AP4E1: variants seen among roughly 807,000 people sequenced by gnomAD.
The protein encoded by AP4E1 is adaptor related protein complex 4 subunit epsilon 1.
AP4E1 carries 56 observed loss-of-function variants against 128.2 expected under a neutral mutation model. The observed-to-expected ratio is 0.44, with a 90% CI of 0.35 to 0.55. The LOEUF is 0.55. AP4E1 is among the 20% of genes least tolerant of loss of function. AP4E1 has a pLI of 0.00. For missense variants in AP4E1, 1,324 were observed against 1,307.7 expected (o/e 1.01, Z -0.19); for synonymous variants, 484 against 473.1 (o/e 1.02, Z -0.30).
Position 50,999,153 on chromosome 15 carries a change from A to G in AP4E1, c.2986A>G (p.Lys996Glu). The G allele has an allele frequency of 6.2e-7, 1 of 1,614,048 alleles. No homozygotes were observed. Among genetic ancestry groups the G allele is most frequent in the Non-Finnish European group, 8.5e-7 (1 of 1,179,974 alleles). The stretch of plus-strand genomic sequence containing the variant: ...CTTTCAATATAGTGTGCAGATAGAA[A>G]AACCTTTTACAGAAGGAAATCTTAC... ...KSFQYSVQIE[K>E]PFTEGNLTGF... Residue 996 changes from lysine to glutamate, a missense_variant, in exon 19 of 21, where the codon AAA (lysine) becomes GAA (glutamate). By Grantham distance (56) the Lys-to-Glu change is moderately conservative. Coordinates refer to ENST00000261842, the MANE Select transcript of AP4E1 (RefSeq NM_007347.5).
At chr15:50,958,209 T>C (rs1460666837) in intron 13 of AP4E1, among the ~76,000 whole-genome samples, 4 of 152,208 alleles carry the variant, frequency 2.6e-5, no homozygotes, top group Admixed American at 6.5e-5. Context: ...CAGGATGTGA[T>C]AGTGCTTATA....
intron 16 of AP4E1, 73 bp downstream of exon 16, chr15:50,984,218 G>T (rs2140914961): frequency 6.5e-7 from 1 of 1,543,404 alleles, no homozygotes; most frequent in East Asian, 2.3e-5. Context: ...TTTGCCTTCT[G>T]CTCCTGCCTC....
chr15:50,934,809 A>T (rs2063885813), intron 8 of AP4E1, 112 bp downstream of exon 8: 1 of 691,454 alleles, frequency 1.4e-6, no homozygotes, highest in Non-Finnish European at 2.5e-6. Context: ...CACTGATTTT[A>T]AGATAGTTCT....
At chr15:50,953,102 G>A (rs1315049258) in intron 13 of AP4E1, among the ~76,000 whole-genome samples, 1 of 152,088 alleles carries the variant, frequency 6.6e-6, no homozygotes, top group Non-Finnish European at 1.5e-5. Flanking sequence ...GCATTATAAA[G>A]GTATCTTTCC....
chr15:50,975,317 A>G (rs2064536991), intron 15 of AP4E1, among the ~76,000 whole-genome samples: 1 of 152,214 alleles, frequency 6.6e-6, no homozygotes, highest in Non-Finnish European at 1.5e-5. Flanking sequence ...AGGCAGGAGA[A>G]TCACTTGAAC....
rs2065011876 is a variant in AP4E1 at position 51,005,872 on chromosome 15, G to A, written c.*3210G>A. On this transcript the variant is annotated 3_prime_UTR_variant, in exon 21 of 21. Transcript: ENST00000261842. ...CTGTCATTTGAAAAAGTTCAGTAAT[G>A]TAATAAATACAAAGTGATCTGCACT... 1 of 152,508 alleles carries A rather than the reference G, an allele frequency of 6.6e-6. No homozygotes were observed. Among genetic ancestry groups the A allele is most frequent in the South Asian group, 2.1e-4 (1 of 4,816 alleles). The allele number at this position is 152,508 out of a possible 1,614,324, so 9.4% of individuals were successfully genotyped here.
At chr15:50,932,140 C>T (rs565598657) in intron 7 of AP4E1, among the ~76,000 whole-genome samples, 45 of 152,150 alleles carry the variant, frequency 3.0e-4, no homozygotes, top group Non-Finnish European at 5.3e-4. Flanking sequence ...CCACCATGCC[C>T]GGCTAATTTT....
chr15:50,986,624 A>T (rs997164986), intron 16 of AP4E1, among the ~76,000 whole-genome samples: 2 of 152,120 alleles, frequency 1.3e-5, no homozygotes, highest in Admixed American at 1.3e-4. Flanking sequence ...TGATTTGTGT[A>T]TATTGAACCA....
At chr15:50,929,314 T>G (rs2063803948) in intron 6 of AP4E1, 146 bp downstream of exon 6, 1 of 949,434 alleles carries the variant, frequency 1.1e-6, no homozygotes, top group Admixed American at 2.5e-5. Context: ...GTTTTGCAAG[T>G]TGTTGAGAGC....
intron 14 of AP4E1, among the ~76,000 whole-genome samples, chr15:50,962,889 C>CAAAAAAAAAAAAAAAAAAAAAAAAA (rs71127168): frequency 4.1e-4 from 16 of 38,718 alleles, no homozygotes; most frequent in African/African-American, 1.8e-3. Context: ...AATTCAACAG[C>CAAAAAAAAAAAAAAAAAAAAAAAAA]AAAAAAAAAA....
intron 2 of AP4E1, among the ~76,000 whole-genome samples, chr15:50,912,531 T>G (rs1244673085): frequency 6.6e-6 from 1 of 152,266 alleles, no homozygotes; most frequent in African/African-American, 2.4e-5. Flanking sequence ...CTAGTTGTTT[T>G]TAAAGTTTGT....
Position 50,999,401 on chromosome 15 carries a change from A to T in AP4E1, c.3095+139A>T, listed in dbSNP as rs530599009. ...TACGCACAGTTCCTACGTTAGAGGA[A>T]TTTCTAGTCTATGGAGGAGACATGG... On this transcript the variant is annotated intron_variant, in intron 19 of 20. Transcript: ENST00000261842. 44 of 660,766 alleles carry T rather than the reference A, an allele frequency of 6.7e-5. 1 individual carries two copies. In the South Asian group the frequency reaches 8.6e-4, roughly 13 times the overall value. 40.9% of individuals were successfully genotyped at this position (660,766 alleles called of 1,614,324 possible).
intron 14 of AP4E1, among the ~76,000 whole-genome samples, chr15:50,961,120 G>A (rs1008828206): frequency 1.3e-5 from 2 of 151,924 alleles, no homozygotes; most frequent in Non-Finnish European, 2.9e-5. Context: ...GTAATAGTAA[G>A]TCTCCCAACA....
At chr15:50,958,172 C>T (rs1192187803) in intron 13 of AP4E1, among the ~76,000 whole-genome samples, 1 of 152,134 alleles carries the variant, frequency 6.6e-6, no homozygotes, top group Non-Finnish European at 1.5e-5. Context: ...TGAGAACCAT[C>T]AATAAGTGCT....
chr15:50,909,066 T>C, intron 1 of AP4E1, 138 bp downstream of exon 1: 1 of 1,369,866 alleles, frequency 7.3e-7, no homozygotes, highest in Non-Finnish European at 9.7e-7. Context: ...TGTCGGTTCG[T>C]CCTTTCGTCT....
chr15:50,948,265 C>A, intron 11 of AP4E1, 106 bp downstream of exon 11: 2 of 1,358,652 alleles, frequency 1.5e-6, no homozygotes, highest in Non-Finnish European at 2.0e-6. Context: ...AGAGACCTAG[C>A]AATACTTTTT....
intron 16 of AP4E1, among the ~76,000 whole-genome samples, chr15:50,989,655 A>G (rs1054977437): frequency 6.6e-6 from 1 of 152,018 alleles, no homozygotes; most frequent in Non-Finnish European, 1.5e-5. Flanking sequence ...AGAGACAGGA[A>G]CCCTTCAAAC....
intron 16 of AP4E1, among the ~76,000 whole-genome samples, chr15:50,985,661 T>A (rs1455624432): frequency 6.6e-6 from 1 of 152,156 alleles, no homozygotes; most frequent in African/African-American, 2.4e-5. Flanking sequence ...TTCTGTTCCA[T>A]TGGTCTATAT....
chr15:50,997,921 A>T, intron 18 of AP4E1, 38 bp downstream of exon 18: 1 of 1,501,020 alleles, frequency 6.7e-7, no homozygotes, highest in Non-Finnish European at 9.1e-7. Context: ...TTTTCAGTGT[A>T]TATTTTGTGT....
Sources: allele counts gnomAD v4.1 joint callset (sites outside exome capture counted in the v4.1 genomes callset), GRCh38; gene constraint gnomAD v4.1.1; transcripts MANE v1.5; gene names NCBI Gene and HGNC (gene_info 2026-07-23, HGNC 2026-07-21).